Variants in NSMCE2 observed in about 807,000 individuals in gnomAD.
The protein encoded by NSMCE2 is NSE2 SUMO ligase component of SMC5/6 complex.
A neutral mutation model predicts 23.8 loss-of-function variants in NSMCE2; 24 were observed. The observed-to-expected ratio is 1.01, with a 90% CI of 0.73 to 1.42. NSMCE2 has a LOEUF of 1.42. NSMCE2 is among the 40% of genes most tolerant of loss of function. The pLI is 0.00. For synonymous variants in NSMCE2, 92 were observed against 94.1 expected (o/e 0.98, Z 0.13); for missense variants, 284 against 296.5 (o/e 0.96, Z 0.31).
At chr8:125,295,922 CT>C (rs1828304830) in intron 5 of NSMCE2, among the ~76,000 whole-genome samples, 1 of 152,122 alleles carries the variant, frequency 6.6e-6, no homozygotes, top group South Asian at 2.1e-4. Flanking sequence ...TACTGAAGAT[CT>C]TAAACTACTG....
At chr8:125,357,924 C>T (rs371899118) in intron 7 of NSMCE2, 106 bp downstream of exon 7, 10 of 746,042 alleles carry the variant, frequency 1.3e-5, no homozygotes, top group African/African-American at 7.0e-5. Flanking sequence ...TTCTAAATTC[C>T]GTTCACCTCC....
chr8:125,117,730 A>G (rs1303167744), intron 3 of NSMCE2, among the ~76,000 whole-genome samples: 1 of 151,968 alleles, frequency 6.6e-6, no homozygotes, highest in Non-Finnish European at 1.5e-5. Context: ...TGCCCAGGCT[A>G]GTCACAAACT....
intron 3 of NSMCE2, among the ~76,000 whole-genome samples, chr8:125,138,210 GT>G (rs1463468848): frequency 6.6e-6 from 1 of 152,016 alleles, no homozygotes; most frequent in African/African-American, 2.4e-5. Context: ...TTTTTGTTGA[GT>G]TTTTTCTTTT....
At chr8:125,188,146 C>G (rs1004939525) in intron 5 of NSMCE2, among the ~76,000 whole-genome samples, 4 of 152,182 alleles carry the variant, frequency 2.6e-5, no homozygotes, top group Non-Finnish European at 5.9e-5. Context: ...AGCGGCCATT[C>G]ACTTTACAAA....
intron 5 of NSMCE2, among the ~76,000 whole-genome samples, chr8:125,204,258 G>A (rs1006804903): frequency 2.0e-5 from 3 of 152,162 alleles, no homozygotes; most frequent in African/African-American, 7.2e-5. Flanking sequence ...GCAGACCTGG[G>A]CAACAACTAC....
chr8:125,202,823 G>A (rs1823942292), intron 5 of NSMCE2, among the ~76,000 whole-genome samples: 1 of 152,148 alleles, frequency 6.6e-6, no homozygotes, highest in African/African-American at 2.4e-5. Flanking sequence ...ATGTGTTAAA[G>A]ATCTTAATGA....
At chr8:125,222,252 AAAT>A (rs1824897954) in intron 5 of NSMCE2, among the ~76,000 whole-genome samples, 1 of 152,026 alleles carries the variant, frequency 6.6e-6, no homozygotes, top group South Asian at 2.1e-4. Context: ...TTTAATTGAG[AAAT>A]AATAATTATA....
chr8:125,137,055 T>C (rs752135503), intron 3 of NSMCE2, among the ~76,000 whole-genome samples: 1 of 152,016 alleles, frequency 6.6e-6, no homozygotes, highest in Non-Finnish European at 1.5e-5. Context: ...TTTAAAGGAT[T>C]GATTTGCTAT....
At chr8:125,286,774 CAAAAAA>C (rs11403131) in intron 5 of NSMCE2, among the ~76,000 whole-genome samples, 3 of 131,628 alleles carry the variant, frequency 2.3e-5, no homozygotes, top group South Asian at 2.5e-4. Context: ...AAGCCTAGAG[CAAAAAA>C]AAAAAAAAAA....
intron 5 of NSMCE2, among the ~76,000 whole-genome samples, chr8:125,207,854 G>A (rs1824174699): frequency 6.6e-6 from 1 of 152,196 alleles, no homozygotes; most frequent in South Asian, 2.1e-4. Context: ...TGTTCACATG[G>A]TAGCAGTGGG....
At chr8:125,356,387 G>A (rs1461681888) in intron 5 of NSMCE2, among the ~76,000 whole-genome samples, 1 of 125,050 alleles carries the variant, frequency 8.0e-6, no homozygotes, top group Non-Finnish European at 1.6e-5. Flanking sequence ...GGAGTGAAAT[G>A]GCAGGATCTT....
At chr8:125,201,538 T>C (rs1454139202) in intron 5 of NSMCE2, among the ~76,000 whole-genome samples, 1 of 152,148 alleles carries the variant, frequency 6.6e-6, no homozygotes, top group East Asian at 1.9e-4. Context: ...ACAGCAAATA[T>C]TGCTTCCTGA....
intron 5 of NSMCE2, among the ~76,000 whole-genome samples, chr8:125,319,380 T>C (rs1829333583): frequency 6.6e-6 from 1 of 151,828 alleles, no homozygotes; most frequent in Non-Finnish European, 1.5e-5. Flanking sequence ...GGAGGGAAAA[T>C]CAACCCATCA....
chr8:125,234,012 TAAAAAAA>T (rs34763403), intron 5 of NSMCE2, among the ~76,000 whole-genome samples: 1 of 102,170 alleles, frequency 9.8e-6, no homozygotes, highest in Non-Finnish European at 2.0e-5. Flanking sequence ...CTGTCTCTAC[TAAAAAAA>T]AAAAAAAAAA....
chr8:125,360,471 C>CT (rs1351099879), intron 7 of NSMCE2, among the ~76,000 whole-genome samples: 1 of 152,198 alleles, frequency 6.6e-6, no homozygotes, highest in East Asian at 1.9e-4. Context: ...ACTGTGATGC[C>CT]TTAGCACCCT....
intron 5 of NSMCE2, among the ~76,000 whole-genome samples, chr8:125,238,294 A>G (rs566656810): frequency 6.6e-6 from 1 of 152,322 alleles, no homozygotes; most frequent in Non-Finnish European, 1.5e-5. Context: ...TTTCCTCACA[A>G]CAGTCCCAAT....
intron 5 of NSMCE2, among the ~76,000 whole-genome samples, chr8:125,188,326 C>T (rs901490101): frequency 6.6e-6 from 1 of 152,182 alleles, no homozygotes; most frequent in African/African-American, 2.4e-5. Context: ...ATTCCTTGAA[C>T]TCCAGCATGA....
At chr8:125,340,394 A>G (rs1299449044) in intron 5 of NSMCE2, among the ~76,000 whole-genome samples, 5 of 152,018 alleles carry the variant, frequency 3.3e-5, no homozygotes, top group Non-Finnish European at 2.9e-5. Context: ...CCGTCTTTAT[A>G]TTACTTCTGA....
At chr8:125,333,509 T>C (rs1829958376) in intron 5 of NSMCE2, among the ~76,000 whole-genome samples, 1 of 91,858 alleles carries the variant, frequency 1.1e-5, no homozygotes, top group Non-Finnish European at 2.2e-5. Flanking sequence ...GTGGTTCTTT[T>C]TTTTTTTTTT....
Sources: allele counts gnomAD v4.1 joint callset (sites outside exome capture counted in the v4.1 genomes callset), GRCh38; gene constraint gnomAD v4.1.1; transcripts MANE v1.5; gene names NCBI Gene and HGNC (gene_info 2026-07-23, HGNC 2026-07-21).